ADGRB3: variants seen among roughly 807,000 people sequenced by gnomAD.
The protein encoded by ADGRB3 is adhesion G protein-coupled receptor B3.
Under a neutral mutation model 193.4 loss-of-function variants are expected in ADGRB3, and 37 were observed. The ratio of observed to expected loss-of-function variants is 0.19; its 90% CI spans 0.15 to 0.25. The LOEUF is 0.25. Ranked by LOEUF, ADGRB3 falls within the 10% of genes least tolerant of loss-of-function variation. The pLI, the probability that ADGRB3 is intolerant of heterozygous loss-of-function variation, is 1.00. For missense variants in ADGRB3, 1,637 were observed against 1,852.9 expected, an observed-to-expected ratio of 0.88 and a Z score of 2.14; for synonymous variants, 690 against 644.2, an observed-to-expected ratio of 1.07 and a Z score of -1.08.
At chr6:68,849,767 A>T (rs1424707101) in intron 3 of ADGRB3, among the ~76,000 whole-genome samples, 1 of 151,920 alleles carries the variant, frequency 6.6e-6, no homozygotes, top group African/African-American at 2.4e-5. Flanking sequence ...AGATGTTTGG[A>T]TGGATAGCTG....
intron 24 of ADGRB3, among the ~76,000 whole-genome samples, chr6:69,333,975 A>AAATATG (rs1582638998): frequency 9.6e-5 from 9 of 93,278 alleles, no homozygotes; most frequent in Admixed American, 2.1e-4. Context: ...ATAAAATAAA[A>AAATATG]TAAAATAAAA....
intron 17 of ADGRB3, among the ~76,000 whole-genome samples, chr6:69,180,625 T>A (rs1221457795): frequency 1.3e-5 from 2 of 152,124 alleles, no homozygotes; most frequent in African/African-American, 4.8e-5. Flanking sequence ...ACAGACCAGT[T>A]CCAGGTTGCC....
chr6:69,189,869 C>T (rs1448799009), intron 17 of ADGRB3, among the ~76,000 whole-genome samples: 1 of 151,976 alleles, frequency 6.6e-6, no homozygotes, highest in Non-Finnish European at 1.5e-5. Context: ...ACGTTGTGGT[C>T]AATGATGGAC....
intron 3 of ADGRB3, among the ~76,000 whole-genome samples, chr6:68,783,652 GC>G (rs781256366): frequency 3.9e-5 from 6 of 151,928 alleles, no homozygotes; most frequent in Non-Finnish European, 8.8e-5. Context: ...TAAGAGAAAA[GC>G]CTAGGAAGAC....
chr6:68,723,650 G>C (rs1344647630), intron 3 of ADGRB3, among the ~76,000 whole-genome samples: 1 of 151,712 alleles, frequency 6.6e-6, no homozygotes, highest in Admixed American at 6.6e-5. Context: ...TTGGGGCTAA[G>C]ACATATTTGT....
At position 69,327,875 on chromosome 6, in the gene ADGRB3, T is replaced by C; in HGVS notation, c.3021T>C (p.Tyr1007=). ...TSVGFTRTKG[Y]GTDHYCWLSL... ...TAGGCTTCACCAGAACAAAAGGATA[T>C]GGCACTGATCACTAGTAAGTCCATC... Residue 1007 remains tyrosine (Y), a synonymous_variant, in exon 22 of 32, where the codon TAT becomes TAC. Coordinates refer to ENST00000370598, the MANE Select transcript of ADGRB3 (RefSeq NM_001704.3). 1 of 1,608,808 alleles carries C rather than the reference T, an allele frequency of 6.2e-7. No homozygotes were observed. Among genetic ancestry groups the C allele is most frequent in the Non-Finnish European group, 8.5e-7 (1 of 1,175,960 alleles).
At chr6:68,919,709 C>T (rs375056487) in intron 3 of ADGRB3, among the ~76,000 whole-genome samples, 10 of 151,706 alleles carry the variant, frequency 6.6e-5, no homozygotes, top group Middle Eastern at 3.4e-3. Flanking sequence ...ATGGGGAGGG[C>T]GGGATAATGT....
At chr6:69,297,376 C>T (rs867354243) in intron 20 of ADGRB3, among the ~76,000 whole-genome samples, 1 of 133,986 alleles carries the variant, frequency 7.5e-6, no homozygotes, top group Non-Finnish European at 1.6e-5. Context: ...CTTTCTCTCT[C>T]TCTCTCTCTC....
intron 3 of ADGRB3, among the ~76,000 whole-genome samples, chr6:68,877,020 C>T (rs1765613001): frequency 6.6e-6 from 1 of 151,990 alleles, no homozygotes; most frequent in Non-Finnish European, 1.5e-5. Context: ...TTTTGAAACA[C>T]ATCTTATAAA....
chr6:69,218,019 T>C (rs1765804845), intron 17 of ADGRB3, among the ~76,000 whole-genome samples: 1 of 130,354 alleles, frequency 7.7e-6, no homozygotes. Context: ...TTTTTGCATA[T>C]AACATTAACA....
intron 3 of ADGRB3, among the ~76,000 whole-genome samples, chr6:68,759,532 G>A (rs2127350505): frequency 6.6e-6 from 1 of 152,070 alleles, no homozygotes; most frequent in Admixed American, 6.6e-5. Flanking sequence ...CAGATGCTAT[G>A]TGTGTAACTT....
chr6:69,062,871 G>A, intron 15 of ADGRB3, 63 bp from the exon 16 acceptor site: 1 of 1,159,602 alleles, frequency 8.6e-7, no homozygotes. Flanking sequence ...AATGTATTGA[G>A]CAGTAGGAAT....
rs145331140 is a variant in ADGRB3 at position 69,361,159 on chromosome 6, A to T, written c.3886A>T (p.Ile1296Leu). ...DDNLRGADMD[I>L]VHPQERMMES... ...TAATTTGAGAGGGGCTGACATGGACATAGTCCATCCTCAAGAAAGAATGAT... is the reference window on the plus strand; with the variant it reads ...TAATTTGAGAGGGGCTGACATGGACTTAGTCCATCCTCAAGAAAGAATGAT... Residue 1296 changes from isoleucine (I) to leucine (L), a missense_variant, in exon 29 of 32, where the codon ATA becomes TTA. Physicochemically the swap from Ile to Leu is conservative, Grantham distance 5 (BLOSUM62 2). Transcript: ENST00000370598. 1 of 1,612,792 alleles carries T rather than the reference A, an allele frequency of 6.2e-7. No homozygotes were observed. Among genetic ancestry groups the T allele is most frequent in the Non-Finnish European group, 8.5e-7 (1 of 1,179,254 alleles).
At chr6:68,984,854 T>C (rs1322724396) in intron 10 of ADGRB3, among the ~76,000 whole-genome samples, 1 of 151,736 alleles carries the variant, frequency 6.6e-6, no homozygotes, top group Non-Finnish European at 1.5e-5. Context: ...TGAAAAGAGC[T>C]TAGTGGGTTT....
At chr6:69,269,161 C>A (rs971490380) in intron 20 of ADGRB3, among the ~76,000 whole-genome samples, 1 of 152,052 alleles carries the variant, frequency 6.6e-6, no homozygotes, top group Non-Finnish European at 1.5e-5. Flanking sequence ...TGTTAAATAT[C>A]TTGCCCAAGG....
intron 8 of ADGRB3, among the ~76,000 whole-genome samples, chr6:68,970,103 G>A (rs1768516056): frequency 6.6e-6 from 1 of 152,104 alleles, no homozygotes; most frequent in Non-Finnish European, 1.5e-5. Flanking sequence ...CACACTGCCA[G>A]TTTTAATTAT....
chr6:68,920,979 C>T (rs183375225), intron 3 of ADGRB3, among the ~76,000 whole-genome samples: 57 of 151,966 alleles, frequency 3.8e-4, no homozygotes, highest in Admixed American at 3.0e-3. Flanking sequence ...TTTAAAAATA[C>T]GCTTTATGTA....
At chr6:69,305,597 G>A (rs1025715164) in intron 20 of ADGRB3, among the ~76,000 whole-genome samples, 1 of 150,958 alleles carries the variant, frequency 6.6e-6, no homozygotes, top group African/African-American at 2.4e-5. Flanking sequence ...CTGAGTTCTT[G>A]GTGGGGAGTG....
intron 13 of ADGRB3, among the ~76,000 whole-genome samples, chr6:69,036,802 GA>G (rs1236268565): frequency 6.6e-6 from 1 of 152,182 alleles, no homozygotes; most frequent in African/African-American, 2.4e-5. Context: ...TGACCGCAGA[GA>G]CGTACAGAGC....
Sources: gnomAD v4.1 joint callset for allele counts (sites outside exome capture counted in the v4.1 genomes callset) on GRCh38, gnomAD v4.1.1 for gene constraint, MANE v1.5 for transcripts, NCBI Gene and HGNC (gene_info 2026-07-23, HGNC 2026-07-21) for gene names.